Variants in CNTN4 observed in about 807,000 individuals in gnomAD.
CNTN4 encodes the protein contactin 4, also known as contactin-4.
In CNTN4, 77 loss-of-function variants were observed where a neutral mutation model predicts 122.5. That is an observed-to-expected ratio of 0.63 (90% CI 0.52 to 0.76). CNTN4 has a LOEUF of 0.76. Ranked by LOEUF, CNTN4 falls within the 30% of genes least tolerant of loss-of-function variation. CNTN4 has a pLI of 0.00. For synonymous variants in CNTN4, 512 were observed against 447.0 expected (o/e 1.15, Z -1.83); for missense variants, 1,256 against 1,259.1 (o/e 1.00, Z 0.04).
intron 2 of CNTN4, among the ~76,000 whole-genome samples, chr3:2,216,106 T>TCA (rs2038829158): frequency 6.6e-6 from 1 of 152,062 alleles, no homozygotes; most frequent in Admixed American, 6.6e-5. Context: ...TGCAGCACTC[T>TCA]TCACAATAGC....
intron 4 of CNTN4, among the ~76,000 whole-genome samples, chr3:2,682,896 T>C (rs2085236703): frequency 6.6e-6 from 1 of 151,660 alleles, no homozygotes; most frequent in African/African-American, 2.4e-5. Context: ...TTTGCCCTTA[T>C]CCTTCACGGA....
intron 2 of CNTN4, among the ~76,000 whole-genome samples, chr3:2,327,899 GA>G (rs2043527200): frequency 6.6e-6 from 1 of 152,096 alleles, no homozygotes; most frequent in Admixed American, 6.6e-5. Flanking sequence ...AGCCAAAGCA[GA>G]CCATACAAAC....
intron 4 of CNTN4, among the ~76,000 whole-genome samples, chr3:2,730,455 A>G (rs1300131819): frequency 7.0e-6 from 1 of 143,396 alleles, no homozygotes; most frequent in Non-Finnish European, 1.5e-5. Context: ...TAATTATTTT[A>G]GGTATAGTTT....
intron 3 of CNTN4, among the ~76,000 whole-genome samples, chr3:2,447,534 A>G (rs2048669596): frequency 6.6e-6 from 1 of 152,134 alleles, no homozygotes; most frequent in South Asian, 2.1e-4. Flanking sequence ...CACTATTATA[A>G]TGTTCATAAG....
At chr3:2,785,095 G>GT (rs2091758006) in intron 6 of CNTN4, among the ~76,000 whole-genome samples, 1 of 147,270 alleles carries the variant, frequency 6.8e-6, no homozygotes, top group Non-Finnish European at 1.5e-5. Context: ...TTGTATATAA[G>GT]TACACATTTG....
intron 4 of CNTN4, among the ~76,000 whole-genome samples, chr3:2,611,551 C>G (rs1431209004): frequency 2.0e-5 from 3 of 151,970 alleles, no homozygotes; most frequent in Non-Finnish European, 2.9e-5. Context: ...TTGTAAGGTC[C>G]AAAAATAAAT....
intron 7 of CNTN4, among the ~76,000 whole-genome samples, chr3:2,826,142 GC>G (rs1559548213): frequency 6.6e-6 from 1 of 152,112 alleles, no homozygotes; most frequent in East Asian, 1.9e-4. Flanking sequence ...CCTAGAATGC[GC>G]CCTTTTATTT....
intron 6 of CNTN4, among the ~76,000 whole-genome samples, chr3:2,746,359 CAAAT>C (rs1021910494): frequency 6.6e-6 from 1 of 151,842 alleles, no homozygotes; most frequent in African/African-American, 2.4e-5. Flanking sequence ...TTTAAAAAAA[CAAAT>C]AACCGTGTCT....
chr3:2,683,324 A>T (rs1400864032), intron 4 of CNTN4, among the ~76,000 whole-genome samples: 2 of 119,308 alleles, frequency 1.7e-5, no homozygotes, highest in Non-Finnish European at 3.3e-5. Context: ...ACCTGCACAC[A>T]TGTACACACA....
At chr3:2,317,651 T>A (rs1348083182) in intron 2 of CNTN4, among the ~76,000 whole-genome samples, 1 of 152,228 alleles carries the variant, frequency 6.6e-6, no homozygotes, top group Non-Finnish European at 1.5e-5. Context: ...GAAGTCTTTC[T>A]TCTAGTTAAT....
chr3:2,640,490 G>A (rs1576315873), intron 4 of CNTN4, among the ~76,000 whole-genome samples: 1 of 152,154 alleles, frequency 6.6e-6, no homozygotes, highest in South Asian at 2.1e-4. Flanking sequence ...TAAACAAGGG[G>A]GGAAATGTAG....
intron 2 of CNTN4, among the ~76,000 whole-genome samples, chr3:2,311,865 C>A (rs2042927167): frequency 6.6e-6 from 1 of 152,064 alleles, no homozygotes; most frequent in Non-Finnish European, 1.5e-5. Context: ...CTTTGTCCTT[C>A]ATTTAAAGAT....
intron 3 of CNTN4, among the ~76,000 whole-genome samples, chr3:2,522,054 C>G (rs569995041): frequency 1.3e-4 from 19 of 151,996 alleles, no homozygotes; most frequent in Non-Finnish European, 2.5e-4. Context: ...TTTAATTAAA[C>G]ACAGAGCACT....
At chr3:2,114,039 C>G (rs1281135992) in intron 2 of CNTN4, among the ~76,000 whole-genome samples, 2 of 152,094 alleles carry the variant, frequency 1.3e-5, no homozygotes, top group East Asian at 3.8e-4. Flanking sequence ...AAAAAGAAAA[C>G]TCAAATTACA....
intron 2 of CNTN4, among the ~76,000 whole-genome samples, chr3:2,194,825 G>C (rs968187685): frequency 6.6e-6 from 1 of 152,110 alleles, no homozygotes; most frequent in African/African-American, 2.4e-5. Flanking sequence ...AGAAGTTTTC[G>C]TGACAAATTT....
intron 6 of CNTN4, among the ~76,000 whole-genome samples, chr3:2,792,243 A>G (rs1429353659): frequency 2.0e-5 from 3 of 152,134 alleles, no homozygotes; most frequent in Non-Finnish European, 4.4e-5. Flanking sequence ...TTTCCTGACA[A>G]GGATTCTAAT....
At chr3:2,780,746 G>A (rs1037146231) in intron 6 of CNTN4, among the ~76,000 whole-genome samples, 22 of 152,112 alleles carry the variant, frequency 1.4e-4, no homozygotes, top group East Asian at 3.9e-4. Flanking sequence ...TTCCACGCCC[G>A]TATGGATGAA....
chr3:2,456,835 A>G (rs12715055), intron 3 of CNTN4, among the ~76,000 whole-genome samples: 108,945 of 152,034 alleles, frequency 0.72, 39,568 homozygotes, highest in African/African-American at 0.83. Flanking sequence ...GAACATTCAT[A>G]CACAAGTATT....
chr3:2,255,131 ATT>A, intron 2 of CNTN4, among the ~76,000 whole-genome samples: 1 of 152,192 alleles, frequency 6.6e-6, no homozygotes, highest in Non-Finnish European at 1.5e-5. Context: ...AACACCATTT[ATT>A]AAGTAGGGAA....
Sources: gnomAD v4.1 joint callset for allele counts (sites outside exome capture counted in the v4.1 genomes callset) on GRCh38, gnomAD v4.1.1 for gene constraint, MANE v1.5 for transcripts, NCBI Gene and HGNC (gene_info 2026-07-23, HGNC 2026-07-21) for gene names.